Variants in SH3GL2 observed in about 807,000 individuals in gnomAD.
SH3GL2 encodes endophilin-A1.
A neutral mutation model predicts 46.0 loss-of-function variants in SH3GL2; 24 were observed. The observed-to-expected ratio is 0.52, with a 90% CI of 0.38 to 0.73. The LOEUF is 0.73. Ranked by LOEUF, SH3GL2 falls within the 30% of genes least tolerant of loss-of-function variation. The pLI, the probability that SH3GL2 is intolerant of heterozygous loss-of-function variation, is 0.00. For synonymous variants in SH3GL2, 196 were observed against 147.1 expected (o/e 1.33, Z -2.40); for missense variants, 413 against 424.2 (o/e 0.97, Z 0.23).
At chr9:17,691,032 T>C (rs1177186611) in intron 1 of SH3GL2, among the ~76,000 whole-genome samples, 2 of 152,186 alleles carry the variant, frequency 1.3e-5, no homozygotes, top group Non-Finnish European at 2.9e-5. Context: ...GAAAAGGGCA[T>C]GCTTTGTGAA....
At chr9:17,585,589 T>C (rs934356637) in intron 1 of SH3GL2, among the ~76,000 whole-genome samples, 1 of 152,138 alleles carries the variant, frequency 6.6e-6, no homozygotes, top group African/African-American at 2.4e-5. Context: ...GTGACAGCTC[T>C]GAGAGCAGGA....
intron 1 of SH3GL2, among the ~76,000 whole-genome samples, chr9:17,588,167 G>C (rs1378212878): frequency 3.3e-5 from 5 of 152,142 alleles, no homozygotes; most frequent in South Asian, 2.1e-4. Context: ...GATCGGTTCT[G>C]CCATCTGTAA....
chr9:17,692,252 G>T (rs912770426), intron 1 of SH3GL2, among the ~76,000 whole-genome samples: 12 of 150,856 alleles, frequency 8.0e-5, no homozygotes, highest in African/African-American at 2.9e-4. Context: ...GAGTAAGAAG[G>T]AGTGGTATAC....
At chr9:17,761,764 G>C (rs572122180) in intron 3 of SH3GL2, among the ~76,000 whole-genome samples, 58 of 152,324 alleles carry the variant, frequency 3.8e-4, no homozygotes, top group African/African-American at 1.3e-3. Flanking sequence ...TATGCAAACA[G>C]TTCAGGTGAC....
chr9:17,735,217 C>T (rs1295836875), intron 1 of SH3GL2, among the ~76,000 whole-genome samples: 1 of 152,110 alleles, frequency 6.6e-6, no homozygotes, highest in Non-Finnish European at 1.5e-5. Context: ...CTACCACTCA[C>T]TGGCAGATGT....
intron 1 of SH3GL2, among the ~76,000 whole-genome samples, chr9:17,728,618 C>A (rs1822086774): frequency 6.6e-6 from 1 of 152,016 alleles, no homozygotes; most frequent in Non-Finnish European, 1.5e-5. Flanking sequence ...TAATGCTATC[C>A]CTCCCCTTGC....
chr9:17,738,661 G>GAGAGAGAGAGAGAC lies in SH3GL2; in HGVS notation c.46-8392_46-8391insCAGAGAGAGAGAGA, dbSNP rs371733137. On this transcript the variant is annotated intron_variant, in intron 1 of 8. Coordinates refer to ENST00000380607, the MANE Select transcript of SH3GL2 (RefSeq NM_003026.5). The stretch of plus-strand genomic sequence containing the variant: ...ATATATAGAGAGAGAGAGAGAGAGA[G>GAGAGAGAGAGAGAC]AGAGAGAGAGAGATAATTTTATTTC... Among the ~76,000 whole-genome samples the GAGAGAGAGAGAGAC allele has an allele frequency of 4.1e-3, 546 of 132,158 alleles. 9 individuals are homozygous for GAGAGAGAGAGAGAC. The highest frequency in any genetic ancestry group is 0.013 in the African/African-American group (485 of 37,090). The allele number at this position is 132,158 out of a possible 152,430, so 86.7% of individuals were successfully genotyped here.
chr9:17,773,402 G>A (rs116455314), intron 3 of SH3GL2, among the ~76,000 whole-genome samples: 5,590 of 152,144 alleles, frequency 0.037, 190 homozygotes, highest in African/African-American at 0.09. Flanking sequence ...GTGTCATGAA[G>A]CTTTTGCCTG....
chr9:17,715,781 C>G (rs1436818257), intron 1 of SH3GL2, among the ~76,000 whole-genome samples: 1 of 151,944 alleles, frequency 6.6e-6, no homozygotes, highest in Non-Finnish European at 1.5e-5. Flanking sequence ...ATTTCATACA[C>G]CTAATATACC....
intron 1 of SH3GL2, among the ~76,000 whole-genome samples, chr9:17,632,270 G>C (rs142024088): frequency 1.3e-5 from 2 of 152,278 alleles, no homozygotes; most frequent in East Asian, 3.9e-4. Context: ...ATCCATGGCA[G>C]TAGAGAAAAA....
chr9:17,706,477 T>C (rs558048422), intron 1 of SH3GL2, among the ~76,000 whole-genome samples: 3 of 152,212 alleles, frequency 2.0e-5, no homozygotes, highest in Non-Finnish European at 2.9e-5. Context: ...GGAGAGCAAT[T>C]GCTCTTCCTA....
intron 6 of SH3GL2, 166 bp downstream of exon 6, chr9:17,789,716 A>T: frequency 7.3e-7 from 1 of 1,368,362 alleles, no homozygotes; most frequent in Non-Finnish European, 9.5e-7. Flanking sequence ...AAGTAGACTG[A>T]GAAATAGAAA....
At chr9:17,712,506 A>G (rs925748258) in intron 1 of SH3GL2, among the ~76,000 whole-genome samples, 8 of 151,876 alleles carry the variant, frequency 5.3e-5, no homozygotes, top group African/African-American at 1.9e-4. Flanking sequence ...TGTGGATTGA[A>G]TGTTTTTTGT....
chr9:17,771,854 A>G (rs976738148), intron 3 of SH3GL2, among the ~76,000 whole-genome samples: 11 of 152,050 alleles, frequency 7.2e-5, no homozygotes, highest in African/African-American at 1.9e-4. Context: ...ATTTGGGTTG[A>G]GAGTAGCACG....
chr9:17,693,561 GAC>G, intron 1 of SH3GL2, among the ~76,000 whole-genome samples: 1 of 149,272 alleles, frequency 6.7e-6, no homozygotes, highest in South Asian at 2.1e-4. Context: ...TTCAAATATG[GAC>G]ACACACATAC....
At chr9:17,781,937 G>C (rs2209431) in intron 3 of SH3GL2, among the ~76,000 whole-genome samples, 71,236 of 151,858 alleles carry the variant, frequency 0.47, 17,305 homozygotes, top group East Asian at 0.82. Flanking sequence ...CTGCCTCACA[G>C]CAGTGAGTGA....
At chr9:17,763,071 T>C (rs372561459) in intron 3 of SH3GL2, among the ~76,000 whole-genome samples, 6 of 152,196 alleles carry the variant, frequency 3.9e-5, no homozygotes, top group African/African-American at 1.4e-4. Context: ...ACTGATGCAT[T>C]TTCAGTGCAG....
At chr9:17,791,098 A>T in intron 6 of SH3GL2, 133 bp from the exon 7 acceptor site, 4 of 654,934 alleles carry the variant, frequency 6.1e-6, no homozygotes, top group Non-Finnish European at 1.1e-5. Context: ...TAGTTGGCTT[A>T]TCACACAGTC....
intron 2 of SH3GL2, among the ~76,000 whole-genome samples, chr9:17,748,894 A>G (rs980042175): frequency 3.3e-5 from 5 of 152,188 alleles, no homozygotes; most frequent in African/African-American, 1.2e-4. Context: ...AGGAAACAGC[A>G]TGCAAGCAGG....
Sources: allele counts gnomAD v4.1 joint callset (sites outside exome capture counted in the v4.1 genomes callset), GRCh38; gene constraint gnomAD v4.1.1; transcripts MANE v1.5; gene names NCBI Gene and HGNC (gene_info 2026-07-23, HGNC 2026-07-21).